CACNA2D2: variants seen among roughly 807,000 people sequenced by gnomAD.
The protein encoded by CACNA2D2 is calcium voltage-gated channel auxiliary subunit alpha2delta 2, also known as voltage-dependent calcium channel subunit alpha-2/delta-2.
CACNA2D2 carries 48 observed loss-of-function variants against 166.4 expected under a neutral mutation model. The observed-to-expected ratio is 0.29, with a 90% confidence interval of 0.23 to 0.37. The LOEUF (loss-of-function observed/expected upper bound fraction) is 0.37, where lower values mean the gene tolerates loss of function less well. CACNA2D2 is among the 10% of genes least tolerant of loss of function. The pLI, the probability that CACNA2D2 is intolerant of heterozygous loss-of-function variation, is 1.00. For synonymous variants in CACNA2D2, 561 were observed against 573.7 expected, an observed-to-expected ratio of 0.98 and a Z score of 0.32; for missense variants, 1,122 against 1,433.0, an observed-to-expected ratio of 0.78 and a Z score of 3.50.
intron 3 of CACNA2D2, among the ~76,000 whole-genome samples, chr3:50,402,829 A>G (rs1439830033): frequency 6.6e-6 from 1 of 152,122 alleles, no homozygotes; most frequent in African/African-American, 2.4e-5. Flanking sequence ...ATTCATCAAC[A>G]TTTCTCTCAT....
chr3:50,367,598 TC>T lies in CACNA2D2; in HGVS notation c.2297+43del, dbSNP rs760676130. The stretch of plus-strand genomic sequence containing the variant: ...GCCTCTGGGCAGAACAGATGCAGGT[TC>T]CCTGGCAGGGGCAGGGTTTGGGTAG... On this transcript the variant is annotated intron_variant, in intron 26 of 37. Coordinates refer to ENST00000424201, the MANE Select transcript of CACNA2D2 (RefSeq NM_006030.4). The surrounding 1 kb of genome is among the most constrained non-coding windows in gnomAD (Gnocchi z 6.5). 6.2e-7 allele frequency: 1 copy of T among 1,607,104 alleles called. No individual in the cohort carries two copies. The highest frequency in any genetic ancestry group is 8.5e-7 in the Non-Finnish European group (1 of 1,174,220).
At chr3:50,384,408 T>C (rs967250459) in intron 5 of CACNA2D2, 71 bp from the exon 6 acceptor site, 3 of 1,568,572 alleles carry the variant, frequency 1.9e-6, no homozygotes, top group Non-Finnish European at 1.7e-6. Flanking sequence ...GGCCTGCAAG[T>C]AGGGGCAGGG....
intron 17 of CACNA2D2, among the ~76,000 whole-genome samples, 153 bp downstream of exon 17, chr3:50,377,314 C>A (rs587637979): frequency 1.6e-4 from 24 of 152,292 alleles, no homozygotes; most frequent in African/African-American, 5.3e-4. Flanking sequence ...TCACCTTGTT[C>A]TAGACCCAAG....
chr3:50,419,097 G>C (rs1453806111), intron 3 of CACNA2D2, among the ~76,000 whole-genome samples: 1 of 152,176 alleles, frequency 6.6e-6, no homozygotes, highest in Non-Finnish European at 1.5e-5. Context: ...AGAGATTATG[G>C]GAGGGGGAGT....
rs1704925919 is a variant in CACNA2D2, at chr3:50,375,522, G to C, written c.1907+122C>G. 1.0e-6 allele frequency: 1 copy of C among 998,372 alleles called. No homozygotes were observed. Among genetic ancestry groups the C allele is most frequent in the Admixed American group, 2.0e-5 (1 of 50,466 alleles). The allele number at this position is 998,372 out of a possible 1,614,324, so 61.8% of individuals were successfully genotyped here. On this transcript the variant is annotated intron_variant, in intron 21 of 37. Transcript: ENST00000424201. This position sits in a 1 kb window ranked among gnomAD's most constrained non-coding sequence, Gnocchi z 4.0. Reference sequence around the variant, plus strand: ...CTAAGCATCTCAGGGTGAGTAGTGAGCAGCCCTGGCCACTGGTGCCCCACT... The same window carrying C: ...CTAAGCATCTCAGGGTGAGTAGTGACCAGCCCTGGCCACTGGTGCCCCACT...
chr3:50,473,254 G>T (rs577684785), intron 2 of CACNA2D2, among the ~76,000 whole-genome samples: 3 of 152,334 alleles, frequency 2.0e-5, no homozygotes, highest in East Asian at 1.9e-4. Flanking sequence ...CCTCATGGGG[G>T]TTATGGTGAG....
chr3:50,370,204 G>T, intron 23 of CACNA2D2, 116 bp downstream of exon 23: 1 of 734,312 alleles, frequency 1.4e-6, no homozygotes, highest in Non-Finnish European at 2.4e-6. Context: ...TATGGGGGCC[G>T]GGGGATGACA....
chr3:50,491,892 G>A (rs939427541), intron 1 of CACNA2D2, among the ~76,000 whole-genome samples: 1 of 152,212 alleles, frequency 6.6e-6, no homozygotes, highest in African/African-American at 2.4e-5. Flanking sequence ...TCTGCCCTTG[G>A]CTGACTGGCT....
intron 2 of CACNA2D2, among the ~76,000 whole-genome samples, chr3:50,462,518 G>A (rs138013049): frequency 2.0e-5 from 3 of 152,140 alleles, no homozygotes; most frequent in African/African-American, 7.2e-5. Context: ...TCTTCCGCAA[G>A]GCGCAGTTCT....
At chr3:50,425,450 T>C (rs1199486213) in intron 3 of CACNA2D2, among the ~76,000 whole-genome samples, 4 of 152,176 alleles carry the variant, frequency 2.6e-5, no homozygotes, top group African/African-American at 4.8e-5. Context: ...GCTCTGCACA[T>C]TGGGACCCCA....
chr3:50,430,681 C>G (rs1373346125), intron 3 of CACNA2D2, among the ~76,000 whole-genome samples: 1 of 152,276 alleles, frequency 6.6e-6, no homozygotes, highest in South Asian at 2.1e-4. Flanking sequence ...GAGAGCCAGG[C>G]TGTAGACTAG....
Position 50,379,653 on chromosome 3 carries a change from G to T in CACNA2D2, c.994-63C>A. ...GCCGGGGTAGGCAGCTATTGCATGG[G>T]GCTGGTGATGGTCACAGGAGCAGGG... On this transcript the variant is annotated intron_variant, in intron 10 of 37. Coordinates refer to ENST00000424201, the MANE Select transcript of CACNA2D2 (RefSeq NM_006030.4). This position sits in a 1 kb window ranked among gnomAD's most constrained non-coding sequence, Gnocchi z 6.5. 4.3e-6 allele frequency: 7 copies of T among 1,611,872 alleles called. No homozygotes were observed. The South Asian group carries it at 7.7e-5, about 18-fold the overall frequency.
intron 3 of CACNA2D2, among the ~76,000 whole-genome samples, chr3:50,405,058 C>A (rs1706634802): frequency 6.6e-6 from 1 of 152,176 alleles, no homozygotes; most frequent in African/African-American, 2.4e-5. Flanking sequence ...TAAAACACAG[C>A]CTAAGCGGGC....
chr3:50,470,988 A>T (rs972256552), intron 2 of CACNA2D2, among the ~76,000 whole-genome samples: 2 of 152,130 alleles, frequency 1.3e-5, no homozygotes, highest in African/African-American at 2.4e-5. Flanking sequence ...TCCATTAAAG[A>T]ATAATATATG....
intron 3 of CACNA2D2, among the ~76,000 whole-genome samples, chr3:50,403,141 G>A (rs910190714): frequency 1.3e-5 from 2 of 152,192 alleles, no homozygotes; most frequent in African/African-American, 4.8e-5. Flanking sequence ...TCTGTACCTT[G>A]ATCTCTCATC....
At chr3:50,502,359 T>C (rs1699008436) in intron 1 of CACNA2D2, among the ~76,000 whole-genome samples, 1 of 152,194 alleles carries the variant, frequency 6.6e-6, no homozygotes, top group Non-Finnish European at 1.5e-5. Context: ...GTCAGGAAAC[T>C]GATACGTCCT....
rs532649641 is a variant in CACNA2D2, at chr3:50,403,648, C to T, written c.406-9480G>A. On this transcript the variant is annotated intron_variant, in intron 3 of 37. Transcript: ENST00000424201. ...AGTTCTGTGACCTGTCTGTGTTTCC[C>T]GGATGCCTGGACCACTCCTCCCTTC... 3.3e-5 allele frequency among the ~76,000 whole-genome samples: 5 copies of T among 152,298 alleles called. No homozygotes were observed. The South Asian group carries it at 8.3e-4, about 25-fold the overall frequency.
chr3:50,363,229 C>A lies in CACNA2D2; in HGVS notation c.*1437G>T, dbSNP rs1704026086. On this transcript the variant is annotated 3_prime_UTR_variant, in exon 38 of 38. Coordinates refer to ENST00000424201, the MANE Select transcript of CACNA2D2 (RefSeq NM_006030.4). ...CATCCAGGCCGGGTGCACATGGACA[C>A]CCACCCTGGCACCAGCAGTGGGCAT... 2.5e-6 allele frequency: 1 copy of A among 398,762 alleles called. No individual in the cohort carries two copies. The highest frequency in any genetic ancestry group is 4.4e-6 in the Non-Finnish European group (1 of 226,072). 24.7% of individuals were successfully genotyped at this position (398,762 alleles called of 1,614,324 possible).
At chr3:50,483,971 G>A (rs12492113) in intron 1 of CACNA2D2, among the ~76,000 whole-genome samples, 24,195 of 152,112 alleles carry the variant, frequency 0.16, 3,006 homozygotes, top group East Asian at 0.61. Flanking sequence ...CACCCGTCAG[G>A]CCGCACATAC....
Sources: allele counts gnomAD v4.1 joint callset (sites outside exome capture counted in the v4.1 genomes callset), GRCh38; gene constraint gnomAD v4.1.1; non-coding constraint Gnocchi (gnomAD v3.1); transcripts MANE v1.5; gene names NCBI Gene and HGNC (gene_info 2026-07-23, HGNC 2026-07-21).